Variants in THBS3 observed in about 807,000 individuals in gnomAD.
THBS3 encodes the protein thrombospondin-3.
Under a neutral mutation model 118.3 loss-of-function variants are expected in THBS3, and 78 were observed. The observed-to-expected ratio is 0.66, with a 90% CI of 0.55 to 0.80. The LOEUF (loss-of-function observed/expected upper bound fraction) is 0.80, where lower values mean the gene tolerates loss of function less well. Among genes scored for constraint, THBS3 ranks in the 30% least tolerant of loss-of-function variants. The probability of loss-of-function intolerance (pLI) is 0.00; values close to 1 mark genes in which losing one functional copy is unlikely to be tolerated. For missense variants in THBS3, 1,057 were observed against 1,247.4 expected (o/e 0.85, Z 2.30); for synonymous variants, 427 against 475.3 (o/e 0.90, Z 1.32).
rs1464437590 is a variant in THBS3 at position 155,197,096 on chromosome 1, C to T, written c.2617G>A (p.Asp873Asn). 3.7e-6 allele frequency: 6 copies of T among 1,614,150 alleles called. No homozygotes were observed. Among genetic ancestry groups the T allele is most frequent in the Non-Finnish European group, 5.1e-6 (6 of 1,180,018 alleles). Residue 873 changes from aspartate (D) to asparagine (N), a missense_variant, in exon 21 of 23, where the codon GAC (aspartate) becomes AAC (asparagine). Around this residue, in one of 3 missense-constraint regions of THBS3, gnomAD observed 307 missense variants for 326.1 expected, o/e 0.94. Coordinates refer to ENST00000368378, the MANE Select transcript of THBS3 (RefSeq NM_007112.5). The surrounding 1 kb of genome is among the most constrained non-coding windows in gnomAD (Gnocchi z 5.0). ...WTDPRNVGWR[D>N]KTSYRWQLLH... is the part of the protein sequence containing the mutation. ...AGCTGCCAGCGATAGGAGGTCTTGT[C>T]CCGCCAGCCCACATTTCGTGGGTCT...
At chr1:155,201,339 C>T in intron 11 of THBS3, 78 bp downstream of exon 11, 1 of 1,568,410 alleles carries the variant, frequency 6.4e-7, no homozygotes, top group Admixed American at 1.8e-5. Context: ...ATGAAGACCC[C>T]CAACCCAGGC....
intron 22 of THBS3, 32 bp from the exon 23 acceptor site, chr1:155,195,931 A>T: frequency 6.2e-7 from 1 of 1,614,158 alleles, no homozygotes; most frequent in South Asian, 1.1e-5. Context: ...AGGTCAGAGG[A>T]TGTGGCTCTC....
Position 155,195,996 on chromosome 1 carries a change from G to C in THBS3, c.2803C>G (p.Arg935Gly), listed in dbSNP as rs1342745040. ...CAATCAGCCACCTCACCATTGCATC[G>C]ATACTGGAGATTGGACCAAATTATG... Reference protein sequence around the residue: ...ENIIWSNLQYRCNDTVPEDFE... With the variant: ...ENIIWSNLQYGCNDTVPEDFE... The change falls in exon 22 of 23, where the codon CGA becomes GGA. Residue 935 changes from arginine (R) to glycine (G), a missense_variant. Physicochemically the swap from Arg to Gly is moderately radical, Grantham distance 125 (BLOSUM62 -2). Transcript: ENST00000368378. 1.2e-6 allele frequency: 2 copies of C among 1,614,188 alleles called. No individual in the cohort carries two copies. The highest frequency in any genetic ancestry group is 3.3e-5 in the Admixed American group (2 of 60,018).
chr1:155,205,460 T>C, intron 2 of THBS3, 144 bp from the exon 3 acceptor site: 2 of 1,110,230 alleles, frequency 1.8e-6, no homozygotes, highest in Non-Finnish European at 2.5e-6. Flanking sequence ...TTGTATTTAA[T>C]AGGTACACAA....
chr1:155,207,771 G>T (rs747960318), intron 1 of THBS3, 27 bp downstream of exon 1: 22 of 1,611,006 alleles, frequency 1.4e-5, no homozygotes, highest in South Asian at 2.2e-5. Flanking sequence ...AGCAGAGAGC[G>T]GTCTAAGAGG....
chr1:155,198,112 G>T lies in THBS3; in HGVS notation c.2183C>A (p.Ala728Asp). 6.2e-7 allele frequency: 1 copy of T among 1,614,126 alleles called. No homozygotes were observed. Among genetic ancestry groups the T allele is most frequent in the South Asian group, 1.1e-5 (1 of 91,086 alleles). ...SAEVTLTDFR[A>D]YQTVVLDPEG... ...AGGATCCAGGACGACGGTCTGATAG[G>T]CCCGAAAATCCGTAAGCGTTACCTC... The change falls in exon 18 of 23, where the codon GCC becomes GAC. Residue 728 changes from alanine (A) to aspartate (D), a missense_variant. Physicochemically the swap from Ala to Asp is moderately radical, Grantham distance 126. Around this residue, in one of 3 missense-constraint regions of THBS3, gnomAD observed 307 missense variants for 326.1 expected, o/e 0.94. Coordinates refer to ENST00000368378, the MANE Select transcript of THBS3 (RefSeq NM_007112.5).
At position 155,202,319 on chromosome 1, in the gene THBS3, C is replaced by A. The variant is rs746127153; in HGVS notation, c.1040G>T (p.Gly347Val). The change falls in exon 9 of 23, where the codon GGG becomes GTG. Residue 347 changes from glycine to valine, a missense_variant. Coordinates refer to ENST00000368378, the MANE Select transcript of THBS3 (RefSeq NM_007112.5). The surrounding 1 kb of genome is among the most constrained non-coding windows in gnomAD (Gnocchi z 5.5). ...PGFHCEACPR[G>V]YKGTQVSGVG... ...ACCAGACACCTGTGTGCCCTTGTAC[C>A]CTCGAGGACAGGCCTCACAGTGGAA... is the stretch of plus-strand genomic sequence containing the variant. The A allele has an allele frequency of 6.2e-7, 1 of 1,614,128 alleles. No individual in the cohort carries two copies. The highest frequency in any genetic ancestry group is 1.1e-5 in the South Asian group (1 of 91,084).
intron 13 of THBS3, 23 bp downstream of exon 13, chr1:155,200,874 G>A (rs770065625): frequency 6.2e-7 from 1 of 1,614,042 alleles, no homozygotes; most frequent in East Asian, 2.2e-5. Context: ...GAGCTTCAAG[G>A]GGCAGGGCAG....
Position 155,197,761 on chromosome 1 carries a change from G to A in THBS3, c.2303-102C>T, listed in dbSNP as rs1668930749. 9.5e-6 allele frequency: 15 copies of A among 1,585,342 alleles called. No homozygotes were observed. The highest frequency in any genetic ancestry group is 1.2e-5 in the Non-Finnish European group (14 of 1,156,356). On this transcript the variant is annotated intron_variant, in intron 19 of 22. Coordinates refer to ENST00000368378, the MANE Select transcript of THBS3 (RefSeq NM_007112.5). This position sits in a 1 kb window ranked among gnomAD's most constrained non-coding sequence, Gnocchi z 5.0. ...TGCCTGCTATGTATGTGGCCAGCTT[G>A]TGCCACTGCCTTCTCTCTCGCCACT... is the stretch of plus-strand genomic sequence containing the variant.
At position 155,197,477 on chromosome 1, in the gene THBS3, C is replaced by G. The variant is rs377139909; in HGVS notation, c.2485G>C (p.Gly829Arg). Residue 829 changes from glycine to arginine, a missense_variant, in exon 20 of 23, where the codon GGG (glycine) becomes CGG (arginine). Around this residue, in one of 3 missense-constraint regions of THBS3, gnomAD observed 307 missense variants for 326.1 expected, o/e 0.94. Transcript: ENST00000368378. The surrounding 1 kb of genome is among the most constrained non-coding windows in gnomAD (Gnocchi z 5.0). The stretch of plus-strand genomic sequence containing the variant: ...CAGCTGGGGACCTTGAGCTGCAGCC[C>G]GGGCTGGGCAACCGCCCGGAAGGGT... Reference protein sequence around the residue: ...ATPFRAVAQPGLQLKAVTSVS... With the variant: ...ATPFRAVAQPRLQLKAVTSVS... The G allele has an allele frequency of 2.9e-5, 46 of 1,613,098 alleles. 1 individual carries two copies. The highest frequency in any genetic ancestry group is 3.8e-5 in the Non-Finnish European group (45 of 1,179,960).
Position 155,207,856 on chromosome 1 carries a change from C to G in THBS3, c.21G>C (p.Arg7=), listed in dbSNP as rs1032357093. Residue 7 remains arginine, a synonymous_variant, in exon 1 of 23, where the codon CGG becomes CGC. Coordinates refer to ENST00000368378, the MANE Select transcript of THBS3 (RefSeq NM_007112.5). ...AAAGGAGGAGAAGAGCCAGGGCCCCCCGAAGTTCCTGCGTCTCCATGCCTC... is the reference window on the plus strand; with the variant it reads ...AAAGGAGGAGAAGAGCCAGGGCCCCGCGAAGTTCCTGCGTCTCCATGCCTC... The part of the protein sequence containing the change: METQEL[R]GALALLLLCF... The G allele has an allele frequency of 6.2e-7, 1 of 1,614,050 alleles. No individual in the cohort carries two copies. Among genetic ancestry groups the G allele is most frequent in the Admixed American group, 1.7e-5 (1 of 60,016 alleles).
Position 155,195,949 on chromosome 1 carries a change from G to C in THBS3, c.2812+38C>G, listed in dbSNP as rs1267952230. Reference sequence around the variant, plus strand: ...TCAGAGGATGTGGCTCTCCCACAAGGCATGAAGGATTAGGTTGATCTCAAT... The same window carrying C: ...TCAGAGGATGTGGCTCTCCCACAAGCCATGAAGGATTAGGTTGATCTCAAT... On this transcript the variant is annotated intron_variant, in intron 22 of 22. Coordinates refer to ENST00000368378, the MANE Select transcript of THBS3 (RefSeq NM_007112.5). 1.9e-6 allele frequency: 3 copies of C among 1,614,072 alleles called. No homozygotes were observed. In the Admixed American group the frequency reaches 5.0e-5, roughly 27 times the overall value.
rs1669609532 is a variant in THBS3, at chr1:155,200,951, A to G, written c.1494T>C (p.Gly498=). ...CATCATCATCACACTGGTCCCCCAC[A>G]CCATCATTATCAGCATCTTCCTGCC... is the stretch of plus-strand genomic sequence containing the variant. ...NSGQEDADND[G]VGDQCDDDAD... is the part of the protein sequence containing the mutation. Residue 498 remains glycine, a synonymous_variant, in exon 13 of 23, where the codon GGT becomes GGC. Transcript: ENST00000368378. The G allele has an allele frequency of 6.2e-7, 1 of 1,614,066 alleles. No individual in the cohort carries two copies. Among genetic ancestry groups the G allele is most frequent in the African/African-American group, 1.3e-5 (1 of 75,016 alleles).
Position 155,206,499 on chromosome 1 carries a change from C to A in THBS3, c.80-93G>T, listed in dbSNP as rs550324551. Reference sequence around the variant, plus strand: ...CCACATCACCCCCTACCCCCACCACCAGGCAGCGTTAGTCACCTCAAAATT... The same window carrying A: ...CCACATCACCCCCTACCCCCACCACAAGGCAGCGTTAGTCACCTCAAAATT... On this transcript the variant is annotated intron_variant, in intron 1 of 22. Transcript: ENST00000368378. The surrounding 1 kb of genome is among the most constrained non-coding windows in gnomAD (Gnocchi z 4.2). The A allele has an allele frequency of 1.1e-5, 12 of 1,130,832 alleles. No individual in the cohort carries two copies. The highest frequency in any genetic ancestry group is 1.5e-5 in the Non-Finnish European group (12 of 781,936). The allele number at this position is 1,130,832 out of a possible 1,614,324, so 70.0% of individuals were successfully genotyped here.
At position 155,202,879 on chromosome 1, in the gene THBS3, C is replaced by G; in HGVS notation, c.890G>C (p.Gly297Ala). 6.2e-7 allele frequency: 1 copy of G among 1,613,806 alleles called. No individual in the cohort carries two copies. The highest frequency in any genetic ancestry group is 1.1e-5 in the South Asian group (1 of 91,088). Residue 297 changes from glycine (G) to alanine (A), a missense_variant, in exon 8 of 23, where the codon GGC becomes GCC. Transcript: ENST00000368378. The surrounding 1 kb of genome is among the most constrained non-coding windows in gnomAD (Gnocchi z 5.5). ...AGGGGGGCAGGGCCCACAGCGGTAGCCTGGGTACTCGTACACTTCCATGCA... is the reference window on the plus strand; with the variant it reads ...AGGGGGGCAGGGCCCACAGCGGTAGGCTGGGTACTCGTACACTTCCATGCA... ...VDCMEVYEYP[G>A]YRCGPCPPGL...
In THBS3 at chr1:155,197,548, T is replaced by C; in HGVS notation, c.2414A>G (p.Tyr805Cys). Residue 805 changes from tyrosine (Y) to cysteine (C), a missense_variant, in exon 20 of 23, where the codon TAC (tyrosine) becomes TGC (cysteine). By Grantham distance (194) the Tyr-to-Cys change is radical. Transcript: ENST00000368378. The surrounding 1 kb of genome is among the most constrained non-coding windows in gnomAD (Gnocchi z 5.0). The part of the protein sequence containing the change: ...LFSYQDSGRF[Y>C]VVMWKQTEQT... ...CTCGGTCTGCTTCCACATGACTACG[T>C]AGAAGCGGCCACTGTCTTGATAACT... 6.2e-7 allele frequency: 1 copy of C among 1,613,842 alleles called. No homozygotes were observed. Among genetic ancestry groups the C allele is most frequent in the Non-Finnish European group, 8.5e-7 (1 of 1,180,012 alleles).
At chr1:155,208,765 G>C (rs934439730), upstream of THBS3, 1 of 1,416,698 alleles carries the variant, frequency 7.1e-7, no homozygotes, top group Admixed American at 2.7e-5. Context: ...GGCGACAGGC[G>C]GCGCAGGGCC....
At chr1:155,207,256 C>G (rs76545395) in intron 1 of THBS3, among the ~76,000 whole-genome samples, 3 of 152,170 alleles carry the variant, frequency 2.0e-5, no homozygotes, top group African/African-American at 7.2e-5. Context: ...GGACCCAGCT[C>G]CTCTGCCTCC....
chr1:155,200,021 A>C lies in THBS3; in HGVS notation c.1801T>G (p.Cys601Gly). Residue 601 changes from cysteine to glycine, a missense_variant, in exon 15 of 23, where the codon TGC becomes GGC. Cys to Gly is a radical substitution (Grantham distance 159). Around this residue, in one of 3 missense-constraint regions of THBS3, gnomAD observed 544 missense variants for 715.6 expected, o/e 0.76. Coordinates refer to ENST00000368378, the MANE Select transcript of THBS3 (RefSeq NM_007112.5). ...TGGGTAGGATTGCTCATTTCAGGGC[A>C]GCTGTCGCAAGCATCTCCCACCCCG... The part of the protein sequence containing the change: ...EDGVGDACDS[C>G]PEMSNPTQTD... The C allele has an allele frequency of 6.2e-7, 1 of 1,601,016 alleles. No individual in the cohort carries two copies.
Sources: allele counts gnomAD v4.1 joint callset (sites outside exome capture counted in the v4.1 genomes callset), GRCh38; gene constraint gnomAD v4.1.1; regional missense constraint gnomAD v4.1.1; non-coding constraint Gnocchi (gnomAD v3.1); transcripts MANE v1.5; gene names NCBI Gene and HGNC (gene_info 2026-07-23, HGNC 2026-07-21).